MEI4: variants seen among roughly 807,000 people sequenced by gnomAD.
MEI4 encodes meiosis-specific protein MEI4.
In MEI4, 27 loss-of-function variants were observed where a neutral mutation model predicts 31.4. The ratio of observed to expected loss-of-function variants is 0.86; its 90% confidence interval spans 0.63 to 1.19. MEI4 has a LOEUF of 1.19. Ranked by LOEUF, MEI4 falls within the 50% of genes most tolerant of loss-of-function variation. The pLI is 0.00. For missense variants in MEI4, 329 were observed against 398.9 expected, an observed-to-expected ratio of 0.82 and a Z score of 1.49; for synonymous variants, 122 against 145.4, an observed-to-expected ratio of 0.84 and a Z score of 1.16.
chr6:77,656,680 G>C (rs1768403370), intron 1 of MEI4, among the ~76,000 whole-genome samples: 1 of 152,134 alleles, frequency 6.6e-6, no homozygotes, highest in Non-Finnish European at 1.5e-5. Context: ...CACTTAGATA[G>C]TTCTCAAGAG....
chr6:77,767,066 C>T (rs1458114408), intron 3 of MEI4, among the ~76,000 whole-genome samples: 1 of 152,086 alleles, frequency 6.6e-6, no homozygotes, highest in East Asian at 1.9e-4. Flanking sequence ...TCATTTCATC[C>T]TTGCTTATAG....
chr6:77,661,629 T>C (rs1768511827), intron 1 of MEI4, among the ~76,000 whole-genome samples: 3 of 152,240 alleles, frequency 2.0e-5, no homozygotes, highest in Non-Finnish European at 2.9e-5. Flanking sequence ...TCCTTGAGGA[T>C]AGATTTCCAT....
chr6:77,760,984 A>G, intron 2 of MEI4, 146 bp from the exon 3 acceptor site: 3 of 521,284 alleles, frequency 5.8e-6, no homozygotes, highest in Non-Finnish European at 8.8e-6. Flanking sequence ...TTTTTTCTTT[A>G]CTCAGTTTTT....
At chr6:77,815,240 A>C (rs1769662463) in intron 3 of MEI4, among the ~76,000 whole-genome samples, 1 of 152,102 alleles carries the variant, frequency 6.6e-6, no homozygotes, top group Admixed American at 6.6e-5. Context: ...TATATTGCTT[A>C]TCACTGTGAG....
At chr6:77,912,598 A>G (rs1023641797) in intron 4 of MEI4, among the ~76,000 whole-genome samples, 6 of 151,910 alleles carry the variant, frequency 3.9e-5, no homozygotes, top group Non-Finnish European at 4.4e-5. Flanking sequence ...TACCATCTTG[A>G]TATCTTTCTC....
chr6:77,727,291 ATAT>A (rs1246450234), intron 2 of MEI4, among the ~76,000 whole-genome samples: 1 of 152,230 alleles, frequency 6.6e-6, no homozygotes, highest in Non-Finnish European at 1.5e-5. Context: ...ATTATGGCCT[ATAT>A]TATAATCTTC....
intron 4 of MEI4, among the ~76,000 whole-genome samples, chr6:77,906,429 TC>T (rs35939646): frequency 0.14 from 21,337 of 152,108 alleles, 1,762 homozygotes; most frequent in East Asian, 0.39. Context: ...TCTGTATAGT[TC>T]TATCAACTGA....
At chr6:77,685,404 C>A (rs1769036759) in intron 1 of MEI4, among the ~76,000 whole-genome samples, 2 of 150,670 alleles carry the variant, frequency 1.3e-5, no homozygotes, top group African/African-American at 4.9e-5. Flanking sequence ...CATATGGGGA[C>A]TTGCTATTGA....
At chr6:77,876,739 A>G (rs575146360) in intron 4 of MEI4, among the ~76,000 whole-genome samples, 75 of 152,296 alleles carry the variant, frequency 4.9e-4, no homozygotes, top group Non-Finnish European at 8.4e-4. Context: ...GAACCCCACC[A>G]TGTTTCTGCC....
intron 3 of MEI4, among the ~76,000 whole-genome samples, chr6:77,803,005 T>G (rs1311900857): frequency 2.0e-5 from 3 of 152,282 alleles, no homozygotes; most frequent in East Asian, 1.9e-4. Context: ...TTTCCTGAAT[T>G]TGAATGTTGG....
chr6:77,911,072 G>A (rs1365040044), intron 4 of MEI4, among the ~76,000 whole-genome samples: 1 of 151,636 alleles, frequency 6.6e-6, no homozygotes, highest in African/African-American at 2.4e-5. Flanking sequence ...CTCCTCCTAA[G>A]GCATGTTGGT....
At chr6:77,864,632 G>C (rs1293993280) in intron 4 of MEI4, among the ~76,000 whole-genome samples, 1 of 152,056 alleles carries the variant, frequency 6.6e-6, no homozygotes, top group Non-Finnish European at 1.5e-5. Context: ...AATAATAATG[G>C]GAGACTTTAA....
At chr6:77,662,586 CAT>C in intron 1 of MEI4, among the ~76,000 whole-genome samples, 1 of 152,188 alleles carries the variant, frequency 6.6e-6, no homozygotes, top group East Asian at 1.9e-4. Context: ...GTGAGTTGAG[CAT>C]AGTTTGTGAT....
rs80111305 is a variant in MEI4 at position 77,870,013 on chromosome 6, T to G, written c.900+40951T>G. The stretch of plus-strand genomic sequence containing the variant: ...CTCTGGCTGGACACAGACATGTCAC[T>G]GTCTTATAGGGAGGCTTCTCGGGGC... On this transcript the variant is annotated intron_variant, in intron 4 of 4. Transcript: ENST00000684080. 1.8e-4 allele frequency among the ~76,000 whole-genome samples: 28 copies of G among 152,174 alleles called. No individual in the cohort carries two copies. The East Asian group carries it at 4.5e-3, about 24-fold the overall frequency.
intron 2 of MEI4, among the ~76,000 whole-genome samples, chr6:77,751,331 G>T (rs966358473): frequency 1.3e-5 from 2 of 151,960 alleles, no homozygotes; most frequent in African/African-American, 4.8e-5. Flanking sequence ...GGTGAATCCA[G>T]GAGGTGGTTT....
chr6:77,871,407 A>G (rs1020715924), intron 4 of MEI4, among the ~76,000 whole-genome samples: 1 of 152,154 alleles, frequency 6.6e-6, no homozygotes, highest in Non-Finnish European at 1.5e-5. Flanking sequence ...ATATCATAAC[A>G]TATCATAAAA....
At chr6:77,783,356 T>G (rs1278509011) in intron 3 of MEI4, among the ~76,000 whole-genome samples, 1 of 152,166 alleles carries the variant, frequency 6.6e-6, no homozygotes, top group Non-Finnish European at 1.5e-5. Context: ...GATAAAAAGC[T>G]TGTTTTACTT....
intron 4 of MEI4, among the ~76,000 whole-genome samples, chr6:77,865,668 C>G (rs934609012): frequency 1.3e-5 from 2 of 152,174 alleles, no homozygotes; most frequent in Non-Finnish European, 1.5e-5. Context: ...GAGCTGGTAC[C>G]ATTCCTTCTG....
intron 4 of MEI4, among the ~76,000 whole-genome samples, chr6:77,831,159 A>C (rs1052443035): frequency 2.6e-5 from 4 of 151,584 alleles, no homozygotes; most frequent in African/African-American, 9.6e-5. Context: ...AAAAAAAAAA[A>C]GCTCAACAAT....
Sources: gnomAD v4.1 joint callset for allele counts (sites outside exome capture counted in the v4.1 genomes callset) on GRCh38, gnomAD v4.1.1 for gene constraint, MANE v1.5 for transcripts, NCBI Gene and HGNC (gene_info 2026-07-23, HGNC 2026-07-21) for gene names.